FRAS1: variants seen among roughly 807,000 people sequenced by gnomAD.
The protein encoded by FRAS1 is Fraser extracellular matrix complex subunit 1.
In FRAS1, 290 loss-of-function variants were observed where a neutral mutation model predicts 435.2. That is an observed-to-expected ratio of 0.67 (90% confidence interval 0.61 to 0.73). FRAS1 has a LOEUF of 0.73. FRAS1 is among the 30% of genes least tolerant of loss of function. The pLI is 0.00. For missense variants in FRAS1, 4,860 were observed against 5,001.5 expected (o/e 0.97, Z 0.85); for synonymous variants, 1,800 against 1,851.0 (o/e 0.97, Z 0.71).
chr4:78,470,917 A>G (rs1488061625), intron 51 of FRAS1, among the ~76,000 whole-genome samples: 1 of 152,192 alleles, frequency 6.6e-6, no homozygotes. Flanking sequence ...ATTGGCAATA[A>G]ATTGTTCATA....
intron 5 of FRAS1, among the ~76,000 whole-genome samples, chr4:78,253,335 G>A (rs1725635615): frequency 6.6e-6 from 1 of 152,078 alleles, no homozygotes; most frequent in African/African-American, 2.4e-5. Context: ...TTTTCAAGGT[G>A]TACTGATTTC....
rs1553922381 is a variant in FRAS1 at position 78,127,657 on chromosome 4, A to AAC, written c.108+61642_108+61643insCA. Among the ~76,000 whole-genome samples, 113 of 80,840 alleles carry AAC rather than the reference A, an allele frequency of 1.4e-3. 1 individual carries two copies. Among genetic ancestry groups the AAC allele is most frequent in the Middle Eastern group, 0.011 (2 of 182 alleles). The allele number at this position is 80,840 out of a possible 152,430, so 53.0% of individuals were successfully genotyped here. The stretch of plus-strand genomic sequence containing the variant: ...TTTACAAACAAACAAACAAACAAAC[A>AAC]AACAACAACAACAACAACAAAATGG... On this transcript the variant is annotated intron_variant, in intron 2 of 73. Coordinates refer to ENST00000512123, the MANE Select transcript of FRAS1 (RefSeq NM_025074.7).
intron 9 of FRAS1, among the ~76,000 whole-genome samples, chr4:78,273,425 A>G (rs1034909428): frequency 2.0e-5 from 3 of 152,228 alleles, no homozygotes; most frequent in African/African-American, 4.8e-5. Context: ...GTTTTTGCCC[A>G]TTCAGTATGA....
In FRAS1 at chr4:78,445,653, T is replaced by C; in HGVS notation, c.5797T>C (p.Phe1933Leu). 1 of 1,613,922 alleles carries C rather than the reference T, an allele frequency of 6.2e-7. No individual in the cohort carries two copies. The highest frequency in any genetic ancestry group is 8.5e-7 in the Non-Finnish European group (1 of 1,179,844). The change falls in exon 42 of 74, where the codon TTT becomes CTT. Residue 1933 changes from phenylalanine to leucine, a missense_variant. Physicochemically the swap from Phe to Leu is conservative, Grantham distance 22. Coordinates refer to ENST00000512123, the MANE Select transcript of FRAS1 (RefSeq NM_025074.7). ...SIEPTHDIFSFYVSDGTSRSE... is the reference protein window; with the variant it reads ...SIEPTHDIFSLYVSDGTSRSE... ...TGAGCCAACCCATGATATTTTTAGTTTTTATGTGAGTGATGGAACCAGTCG... is the reference window on the plus strand; with the variant it reads ...TGAGCCAACCCATGATATTTTTAGTCTTTATGTGAGTGATGGAACCAGTCG...
In FRAS1 at chr4:78,441,312, A is replaced by G; in HGVS notation, c.5665+15A>G. ...CACAGGAACAGGTACTACTTCCTGT[A>G]AAACTGTTAAGGACCTTGAGAGAAG... On this transcript the variant is annotated intron_variant, in intron 41 of 73. Transcript: ENST00000512123. The G allele has an allele frequency of 6.2e-7, 1 of 1,606,110 alleles. No individual in the cohort carries two copies. The highest frequency in any genetic ancestry group is 8.5e-7 in the Non-Finnish European group (1 of 1,175,812).
chr4:78,237,542 G>C lies in FRAS1; in HGVS notation c.141G>C (p.Gln47His). 6.2e-7 allele frequency: 1 copy of C among 1,613,332 alleles called. No homozygotes were observed. Among genetic ancestry groups the C allele is most frequent in the South Asian group, 1.1e-5 (1 of 90,974 alleles). The part of the protein sequence containing the change: ...DATIWKPDSC[Q>H]SCRCHGDIVI... ...CAATTTGGAAGCCCGATTCATGCCA[G>C]AGCTGCCGTTGCCATGGTGATATTG... The change falls in exon 3 of 74, where the codon CAG (glutamine) becomes CAC (histidine). Residue 47 changes from glutamine (Q) to histidine (H), a missense_variant. Transcript: ENST00000512123.
At chr4:78,539,207 G>A (rs1410901698) in intron 72 of FRAS1, 87 bp from the exon 73 acceptor site, 7 of 1,323,562 alleles carry the variant, frequency 5.3e-6, no homozygotes, top group South Asian at 1.4e-5. Context: ...GGAGTGATGA[G>A]TACTTTTCTC....
chr4:78,387,829 A>G, intron 29 of FRAS1, 128 bp downstream of exon 29: 1 of 614,948 alleles, frequency 1.6e-6, no homozygotes, highest in Non-Finnish European at 2.6e-6. Flanking sequence ...ATAACCTATT[A>G]TATAGAGGGC....
chr4:78,537,001 T>A lies in FRAS1; in HGVS notation c.11099T>A (p.Ile3700Asn). 2 of 1,613,678 alleles carry A rather than the reference T, an allele frequency of 1.2e-6. No homozygotes were observed. Among genetic ancestry groups the A allele is most frequent in the East Asian group, 4.5e-5 (2 of 44,880 alleles). Residue 3700 changes from isoleucine (I) to asparagine (N), a missense_variant, in exon 72 of 74, where the codon ATC (isoleucine) becomes AAC (asparagine). Ile to Asn is a moderately radical substitution (Grantham distance 149). Transcript: ENST00000512123. ...DYKGAFSKGQ[I>N]LYGRVLWNPE... ...TACCTTTCAATCTTTTCAGGTCAAA[T>A]CCTTTATGGCCGAGTACTTTGGAAT...
intron 56 of FRAS1, 40 bp downstream of exon 56, chr4:78,479,758 T>C: frequency 6.9e-7 from 1 of 1,442,620 alleles, no homozygotes; most frequent in Non-Finnish European, 9.3e-7. Flanking sequence ...ACCTGTCTCC[T>C]GATTCCTTTC....
At chr4:78,390,591 A>C (rs1041738476) in intron 29 of FRAS1, among the ~76,000 whole-genome samples, 2 of 152,204 alleles carry the variant, frequency 1.3e-5, no homozygotes, top group African/African-American at 4.8e-5. Context: ...TCAATGTTCT[A>C]TCCAAGCTGG....
chr4:78,109,427 A>G (rs1161786647), intron 2 of FRAS1, among the ~76,000 whole-genome samples: 2 of 151,604 alleles, frequency 1.3e-5, no homozygotes, highest in Non-Finnish European at 2.9e-5. Context: ...CATCCCTGGG[A>G]TGCAAGGCTG....
At chr4:78,528,667 C>T (rs1457551939) in intron 70 of FRAS1, among the ~76,000 whole-genome samples, 1 of 152,132 alleles carries the variant, frequency 6.6e-6, no homozygotes, top group Non-Finnish European at 1.5e-5. Flanking sequence ...AACTGATGAA[C>T]ATTTCAGTTG....
intron 2 of FRAS1, among the ~76,000 whole-genome samples, chr4:78,125,084 G>A (rs1719265707): frequency 6.6e-6 from 1 of 152,136 alleles, no homozygotes; most frequent in Non-Finnish European, 1.5e-5. Flanking sequence ...TGATGTTAGT[G>A]TGTCAGTTTT....
In FRAS1 at chr4:78,430,421, G is replaced by A. The variant is rs1734169671; in HGVS notation, c.4969+4G>A. On this transcript the variant is annotated splice_donor_region_variant and intron_variant, in intron 37 of 73. Coordinates refer to ENST00000512123, the MANE Select transcript of FRAS1 (RefSeq NM_025074.7). The stretch of plus-strand genomic sequence containing the variant: ...TTCCGAAGGCCGATGGCCACAGGTA[G>A]CTACACACCTACACACTCTGTCACT... 1.9e-6 allele frequency: 3 copies of A among 1,612,106 alleles called. No homozygotes were observed. Among genetic ancestry groups the A allele is most frequent in the African/African-American group, 2.7e-5 (2 of 74,872 alleles).
intron 24 of FRAS1, 127 bp downstream of exon 24, chr4:78,372,985 C>G: frequency 1.9e-6 from 2 of 1,042,740 alleles, no homozygotes; most frequent in South Asian, 3.7e-5. Context: ...GGTTTCTTTC[C>G]TAAGAGCTAT....
Position 78,445,620 on chromosome 4 carries a change from G to T in FRAS1, c.5764G>T (p.Glu1922Ter). The change falls in exon 42 of 74, where the codon GAA becomes TAA. Residue 1922 changes from glutamate (E) to a stop codon, truncating the protein, a stop_gained. Transcript: ENST00000512123. LOFTEE classifies it high-confidence loss of function. ...CATTTACTACTTTCAGAGTGTTCAT[G>T]AAAGCATTGAGCCAACCCATGATAT... ...NYIYYFQSVH[E>*]SIEPTHDIFS... is the part of the protein sequence containing the mutation. The T allele has an allele frequency of 6.2e-7, 1 of 1,613,896 alleles. No individual in the cohort carries two copies. The highest frequency in any genetic ancestry group is 8.5e-7 in the Non-Finnish European group (1 of 1,179,836).
intron 5 of FRAS1, among the ~76,000 whole-genome samples, 186 bp from the exon 6 acceptor site, chr4:78,255,056 C>G (rs1290907663): frequency 6.6e-6 from 1 of 152,206 alleles, no homozygotes; most frequent in African/African-American, 2.4e-5. Flanking sequence ...AGCCTCAAAA[C>G]TTCACCTATA....
chr4:78,479,727 G>A lies in FRAS1; in HGVS notation c.8443+9G>A, dbSNP rs969057852. 22 of 1,535,022 alleles carry A rather than the reference G, an allele frequency of 1.4e-5. No individual in the cohort carries two copies. The highest frequency in any genetic ancestry group is 1.9e-5 in the Non-Finnish European group (22 of 1,136,018). On this transcript the variant is annotated intron_variant, in intron 56 of 73. Transcript: ENST00000512123. ...TGTCAGTGAGGACGCAGGTAATGGA[G>A]AGTGTCTCTGAGTTTCCTTCACCTG... is the stretch of plus-strand genomic sequence containing the variant.
Sources: allele counts gnomAD v4.1 joint callset (sites outside exome capture counted in the v4.1 genomes callset), GRCh38; gene constraint gnomAD v4.1.1; transcripts MANE v1.5; gene names NCBI Gene and HGNC (gene_info 2026-07-23, HGNC 2026-07-21).